DGKD: variants seen among roughly 807,000 people sequenced by gnomAD.
DGKD encodes the protein diacylglycerol kinase delta, also known as DAG kinase delta.
DGKD carries 68 observed loss-of-function variants against 154.4 expected under a neutral mutation model. The ratio of observed to expected loss-of-function variants is 0.44; its 90% CI spans 0.36 to 0.54. The LOEUF (loss-of-function observed/expected upper bound fraction) is 0.54, where lower values mean the gene tolerates loss of function less well. Among genes scored for constraint, DGKD ranks in the 20% least tolerant of loss-of-function variants. The probability of loss-of-function intolerance (pLI) is 0.00; values close to 1 mark genes in which losing one functional copy is unlikely to be tolerated. For synonymous variants in DGKD, 693 were observed against 638.0 expected (o/e 1.09, Z -1.30); for missense variants, 1,343 against 1,593.6 (o/e 0.84, Z 2.68).
At chr2:233,361,356 C>T (rs192006452) in intron 1 of DGKD, among the ~76,000 whole-genome samples, 4 of 152,312 alleles carry the variant, frequency 2.6e-5, no homozygotes, top group Non-Finnish European at 5.9e-5. Context: ...AAACTTTAAT[C>T]CTCTCTAGAG....
intron 1 of DGKD, among the ~76,000 whole-genome samples, chr2:233,369,684 A>G (rs1425875365): frequency 6.6e-6 from 1 of 152,126 alleles, no homozygotes; most frequent in African/African-American, 2.4e-5. Flanking sequence ...TTGGCTGGGC[A>G]CAATCTGGGG....
At chr2:233,464,509 C>G (rs539362245) in intron 27 of DGKD, among the ~76,000 whole-genome samples, 33 of 152,326 alleles carry the variant, frequency 2.2e-4, no homozygotes, top group Non-Finnish European at 4.1e-4. Flanking sequence ...CCTTGAGGAC[C>G]AGGGACCTGT....
intron 3 of DGKD, among the ~76,000 whole-genome samples, chr2:233,419,921 A>G (rs2062061030): frequency 6.6e-6 from 1 of 152,112 alleles, no homozygotes; most frequent in Non-Finnish European, 1.5e-5. Context: ...GTTCTCCTCT[A>G]AAAGCTCCCT....
Position 233,471,560 on chromosome 2 carries a change from T to C in DGKD, c.*2100T>C, listed in dbSNP as rs537528819. On this transcript the variant is annotated 3_prime_UTR_variant, in exon 30 of 30. Transcript: ENST00000264057. The stretch of plus-strand genomic sequence containing the variant: ...GGGTGGGGAGGGGACATGAGGAGGA[T>C]AAACAGCTGACTGTGGCTTCAAGGA... The C allele has an allele frequency of 6.6e-6, 1 of 152,480 alleles. No individual in the cohort carries two copies. The highest frequency in any genetic ancestry group is 1.9e-4 in the East Asian group (1 of 5,320). 9.4% of individuals were successfully genotyped at this position (152,480 alleles called of 1,614,324 possible).
In DGKD at chr2:233,467,110, C is replaced by A. The variant is rs376378072; in HGVS notation, c.3331C>A (p.Arg1111Ser). ...GAGTGTGATGCTGGATCTTGCCAAGCGCAGTCGCAGTGGTAAATTCCGCCT... is the reference window on the plus strand; with the variant it reads ...GAGTGTGATGCTGGATCTTGCCAAGAGCAGTCGCAGTGGTAAATTCCGCCT... ...EESVMLDLAK[R>S]SRSGKFRLVT... Residue 1111 changes from arginine to serine, a missense_variant, in exon 28 of 30, where the codon CGC becomes AGC. This residue lies in a region of DGKD where 429 missense variants were observed against 496.3 expected (regional missense o/e 0.86). Coordinates refer to ENST00000264057, the MANE Select transcript of DGKD (RefSeq NM_152879.3). The A allele has an allele frequency of 6.2e-7, 1 of 1,613,938 alleles. No homozygotes were observed. The highest frequency in any genetic ancestry group is 1.3e-5 in the African/African-American group (1 of 74,938).
At chr2:233,400,312 C>G (rs1000659372) in intron 3 of DGKD, among the ~76,000 whole-genome samples, 1 of 152,240 alleles carries the variant, frequency 6.6e-6, no homozygotes, top group Non-Finnish European at 1.5e-5. Context: ...CAGCGGGAGG[C>G]AGTCAAGGCC....
At chr2:233,451,128 C>A (rs73117559) in intron 17 of DGKD, 78 bp downstream of exon 17, 147,048 of 1,481,800 alleles carry the variant, frequency 0.099, 7,747 homozygotes, top group Middle Eastern at 0.16. Context: ...GAGATGGGCT[C>A]GCTGCCCTCG....
intron 1 of DGKD, among the ~76,000 whole-genome samples, chr2:233,373,449 C>T (rs905201696): frequency 3.9e-5 from 6 of 152,078 alleles, no homozygotes; most frequent in East Asian, 1.9e-4. Context: ...ACATGCTTCC[C>T]GTCAATGGAA....
rs1574964847 is a variant in DGKD, at chr2:233,354,505, G to C, written c.-14G>C. ...CCCCGCCCCCGCCCGCGGTGCGCGCGCTGGCCCGGCAGCATGGCGGCGGCG... is the reference window on the plus strand; with the variant it reads ...CCCCGCCCCCGCCCGCGGTGCGCGCCCTGGCCCGGCAGCATGGCGGCGGCG... On this transcript the variant is annotated 5_prime_UTR_variant, in exon 1 of 30. Coordinates refer to ENST00000264057, the MANE Select transcript of DGKD (RefSeq NM_152879.3). The surrounding 1 kb of genome is among the most constrained non-coding windows in gnomAD (Gnocchi z 4.8). 2.0e-6 allele frequency: 2 copies of C among 976,658 alleles called. No homozygotes were observed. Among genetic ancestry groups the C allele is most frequent in the East Asian group, 2.3e-4 (2 of 8,534 alleles). 60.5% of individuals were successfully genotyped at this position (976,658 alleles called of 1,614,324 possible).
chr2:233,365,108 A>G (rs1325649590), intron 1 of DGKD, among the ~76,000 whole-genome samples: 2 of 152,244 alleles, frequency 1.3e-5, no homozygotes, highest in Non-Finnish European at 2.9e-5. Flanking sequence ...AATTAACACA[A>G]TTGTAAGGGA....
chr2:233,381,732 G>C (rs1296175604), intron 1 of DGKD, among the ~76,000 whole-genome samples: 1 of 152,208 alleles, frequency 6.6e-6, no homozygotes, highest in Non-Finnish European at 1.5e-5. Context: ...GCAAACCACA[G>C]ATGAAGCTTT....
At chr2:233,386,656 A>C (rs966817489) in intron 1 of DGKD, among the ~76,000 whole-genome samples, 1 of 151,968 alleles carries the variant, frequency 6.6e-6, no homozygotes, top group Non-Finnish European at 1.5e-5. Flanking sequence ...GGCACTCTTT[A>C]ATTACTGGGG....
chr2:233,394,691 CTTTTTTTTTT>C (rs1162430401), intron 3 of DGKD, among the ~76,000 whole-genome samples: 4 of 26,402 alleles, frequency 1.5e-4, no homozygotes, highest in African/African-American at 6.5e-4. Flanking sequence ...ATTTAATTCC[CTTTTTTTTTT>C]TTTTTTTTTT....
At chr2:233,454,447 C>A (rs1049567488) in intron 18 of DGKD, 3 of 481,666 alleles carry the variant, frequency 6.2e-6, no homozygotes, top group Non-Finnish European at 1.3e-5. Flanking sequence ...GGAAAGTAGA[C>A]GAGAGGCGCC....
chr2:233,386,231 G>C (rs1232040721), intron 1 of DGKD: 4 of 329,598 alleles, frequency 1.2e-5, no homozygotes, highest in African/African-American at 2.2e-5. Context: ...AAGATGAATG[G>C]GGGGCCAGGA....
In DGKD at chr2:233,459,950, T is replaced by G; in HGVS notation, c.2829+59T>G. 6.4e-7 allele frequency: 1 copy of G among 1,565,360 alleles called. No individual in the cohort carries two copies. The highest frequency in any genetic ancestry group is 8.6e-7 in the Non-Finnish European group (1 of 1,159,568). ...TACAGGGCTCACCTGTGGGCTCTTGTGTGCACTGTTAAGAGCTGGAGCTTT... is the reference window on the plus strand; with the variant it reads ...TACAGGGCTCACCTGTGGGCTCTTGGGTGCACTGTTAAGAGCTGGAGCTTT... On this transcript the variant is annotated intron_variant, in intron 23 of 29. Transcript: ENST00000264057. The surrounding 1 kb of genome is among the most constrained non-coding windows in gnomAD (Gnocchi z 5.7).
At chr2:233,355,960 T>C (rs1462310895) in intron 1 of DGKD, among the ~76,000 whole-genome samples, 3 of 152,182 alleles carry the variant, frequency 2.0e-5, no homozygotes, top group African/African-American at 7.2e-5. Flanking sequence ...TAAATGTGGA[T>C]GTGTGTTGGA....
intron 1 of DGKD, among the ~76,000 whole-genome samples, chr2:233,364,982 A>G (rs777047137): frequency 6.6e-5 from 10 of 152,242 alleles, no homozygotes; most frequent in Non-Finnish European, 1.2e-4. Flanking sequence ...TTAGTATCAA[A>G]GTAGATTTTA....
At chr2:233,413,074 C>A (rs892656040) in intron 3 of DGKD, among the ~76,000 whole-genome samples, 1 of 152,074 alleles carries the variant, frequency 6.6e-6, no homozygotes, top group African/African-American at 2.4e-5. Flanking sequence ...TTCTTCCTTT[C>A]TGCCTTTGTC....
Sources: allele counts gnomAD v4.1 joint callset (sites outside exome capture counted in the v4.1 genomes callset), GRCh38; gene constraint gnomAD v4.1.1; regional missense constraint gnomAD v4.1.1; non-coding constraint Gnocchi (gnomAD v3.1); transcripts MANE v1.5; gene names NCBI Gene and HGNC (gene_info 2026-07-23, HGNC 2026-07-21).